Variants in TOP1 observed in about 807,000 individuals in gnomAD.
The protein encoded by TOP1 is DNA topoisomerase 1.
Under a neutral mutation model 111.1 loss-of-function variants are expected in TOP1, and 10 were observed. That is an observed-to-expected ratio of 0.09 (90% CI 0.06 to 0.15). The LOEUF is 0.15. TOP1 is among the 10% of genes least tolerant of loss of function. The pLI is 1.00. For missense variants in TOP1, 474 were observed against 926.7 expected (o/e 0.51, Z 6.34); for synonymous variants, 271 against 302.9 (o/e 0.89, Z 1.10).
At chr20:41,089,984 T>C (rs887876179) in intron 8 of TOP1, among the ~76,000 whole-genome samples, 2 of 152,186 alleles carry the variant, frequency 1.3e-5, no homozygotes, top group African/African-American at 2.4e-5. Context: ...GTGTTTTTTT[T>C]TGTTTTTGAG....
chr20:41,029,527 C>T lies in TOP1; in HGVS notation c.58+72C>T, dbSNP rs1248262834. 8.0e-7 allele frequency: 1 copy of T among 1,250,468 alleles called. No individual in the cohort carries two copies. Among genetic ancestry groups the T allele is most frequent in the Non-Finnish European group, 1.1e-6 (1 of 877,590 alleles). 77.5% of individuals were successfully genotyped at this position (1,250,468 alleles called of 1,614,324 possible). A position where few individuals can be genotyped will look rare whatever the true frequency, so the allele number is the denominator to read the frequency against. ...CGCCTCCCCCGCGCCCTGCCGGTGC[C>T]GGGCAGAGGACAGACATGGCGTCCC... On this transcript the variant is annotated intron_variant, in intron 2 of 20. Coordinates refer to ENST00000361337, the MANE Select transcript of TOP1 (RefSeq NM_003286.4). This position sits in a 1 kb window ranked among gnomAD's most constrained non-coding sequence, Gnocchi z 6.1.
chr20:41,107,664 T>G (rs1295677590), intron 13 of TOP1, among the ~76,000 whole-genome samples: 1 of 152,252 alleles, frequency 6.6e-6, no homozygotes, highest in East Asian at 1.9e-4. Flanking sequence ...GTAAGATTGT[T>G]CTATAAAATG....
In TOP1 at chr20:41,061,307, A is replaced by C; in HGVS notation, c.59-87A>C. ...CCTACCATGCCATTTGAATCCTGTC[A>C]TTGTACTTCTTGACCAGCTTGTCAA... On this transcript the variant is annotated intron_variant, in intron 2 of 20. Coordinates refer to ENST00000361337, the MANE Select transcript of TOP1 (RefSeq NM_003286.4). The surrounding 1 kb of genome is among the most constrained non-coding windows in gnomAD (Gnocchi z 4.6). 7.7e-7 allele frequency: 1 copy of C among 1,296,840 alleles called. No individual in the cohort carries two copies. The highest frequency in any genetic ancestry group is 1.3e-5 in the South Asian group (1 of 75,054). 80.3% of individuals were successfully genotyped at this position (1,296,840 alleles called of 1,614,324 possible). A position where few individuals can be genotyped will look rare whatever the true frequency, so the allele number is the denominator to read the frequency against.
Position 41,121,856 on chromosome 20 carries a change from C to G in TOP1, c.2045+66C>G, listed in dbSNP as rs2145973763. Reference sequence around the variant, plus strand: ...AAGTGTGCAGCATCTGTCAGGGCCCCTGGGGCCCTGGCTTTTCGATGGTTT... The same window carrying G: ...AAGTGTGCAGCATCTGTCAGGGCCCGTGGGGCCCTGGCTTTTCGATGGTTT... On this transcript the variant is annotated intron_variant, in intron 19 of 20. Coordinates refer to ENST00000361337, the MANE Select transcript of TOP1 (RefSeq NM_003286.4). This position sits in a 1 kb window ranked among gnomAD's most constrained non-coding sequence, Gnocchi z 4.2. 1 of 1,565,786 alleles carries G rather than the reference C, an allele frequency of 6.4e-7. No individual in the cohort carries two copies.
intron 7 of TOP1, 91 bp downstream of exon 7, chr20:41,081,331 A>C (rs2033786196): frequency 7.0e-7 from 1 of 1,431,584 alleles, no homozygotes; most frequent in Non-Finnish European, 9.3e-7. Context: ...AGTTTTAGAT[A>C]TTTATTGGCT....
At position 41,116,231 on chromosome 20, in the gene TOP1, G is replaced by C. The variant is rs2034327988; in HGVS notation, c.1708-47G>C. The C allele has an allele frequency of 9.4e-6, 12 of 1,272,528 alleles. No individual in the cohort carries two copies. The highest frequency in any genetic ancestry group is 1.5e-5 in the African/African-American group (1 of 68,276). The allele number at this position is 1,272,528 out of a possible 1,614,324, so 78.8% of individuals were successfully genotyped here. A position where few individuals can be genotyped will look rare whatever the true frequency, so the allele number is the denominator to read the frequency against. On this transcript the variant is annotated intron_variant, in intron 16 of 20. Coordinates refer to ENST00000361337, the MANE Select transcript of TOP1 (RefSeq NM_003286.4). The surrounding 1 kb of genome is among the most constrained non-coding windows in gnomAD (Gnocchi z 5.6). The stretch of plus-strand genomic sequence containing the variant: ...ATTACTCCTAGGGCTGCCAGAAGGA[G>C]CAGGTAGTATAGCTTTGACCTAAAT...
chr20:41,108,335 A>G (rs915941929), intron 13 of TOP1, among the ~76,000 whole-genome samples: 10 of 152,364 alleles, frequency 6.6e-5, no homozygotes, highest in Middle Eastern at 3.4e-3. Flanking sequence ...GATGTGAACT[A>G]TGAATTTTCG....
chr20:41,122,237 A>C lies in TOP1; in HGVS notation c.2195+82A>C, dbSNP rs2034434953. On this transcript the variant is annotated intron_variant, in intron 20 of 20. Coordinates refer to ENST00000361337, the MANE Select transcript of TOP1 (RefSeq NM_003286.4). This position sits in a 1 kb window ranked among gnomAD's most constrained non-coding sequence, Gnocchi z 5.4. The stretch of plus-strand genomic sequence containing the variant: ...TTCCGAGAGCACTGGTGGCCTTCAC[A>C]TGCCATTCCTAAGCTACACACTTTA... 3 of 1,429,374 alleles carry C rather than the reference A, an allele frequency of 2.1e-6. No homozygotes were observed. Among genetic ancestry groups the C allele is most frequent in the Non-Finnish European group, 2.9e-6 (3 of 1,027,922 alleles). The allele number at this position is 1,429,374 out of a possible 1,614,324, so 88.5% of individuals were successfully genotyped here. A position where few individuals can be genotyped will look rare whatever the true frequency, so the allele number is the denominator to read the frequency against.
At position 41,121,571 on chromosome 20, in the gene TOP1, T is replaced by G; in HGVS notation, c.1951-125T>G. The G allele has an allele frequency of 1.4e-6, 1 of 720,778 alleles. No individual in the cohort carries two copies. The highest frequency in any genetic ancestry group is 2.4e-6 in the Non-Finnish European group (1 of 411,548). 44.6% of individuals were successfully genotyped at this position (720,778 alleles called of 1,614,324 possible). The stretch of plus-strand genomic sequence containing the variant: ...CCCTGCCTTCATGAAGCCACCCTTG[T>G]TTTTTTTTATCTGACAAACCACTGA... On this transcript the variant is annotated intron_variant, in intron 18 of 20. Coordinates refer to ENST00000361337, the MANE Select transcript of TOP1 (RefSeq NM_003286.4). This position sits in a 1 kb window ranked among gnomAD's most constrained non-coding sequence, Gnocchi z 4.2.
At chr20:41,049,286 G>A (rs886480754) in intron 2 of TOP1, among the ~76,000 whole-genome samples, 2 of 152,200 alleles carry the variant, frequency 1.3e-5, no homozygotes, top group Non-Finnish European at 2.9e-5. Context: ...AAATTGTAGT[G>A]ACAGGTTTTA....
At position 41,116,426 on chromosome 20, in the gene TOP1, CCTA is replaced by C. The variant is rs530421451; in HGVS notation, c.1822+38_1822+40del. On this transcript the variant is annotated intron_variant, in intron 17 of 20. Coordinates refer to ENST00000361337, the MANE Select transcript of TOP1 (RefSeq NM_003286.4). The surrounding 1 kb of genome is among the most constrained non-coding windows in gnomAD (Gnocchi z 5.6). ...TGCTTGGCCAGATAGGGCCCACACC[CCTA>C]CTAATGGTATCCGGTGACCTTGCTT... The C allele has an allele frequency of 1.6e-3, 2,437 of 1,520,638 alleles. 4 individuals are homozygous for C. Among genetic ancestry groups the C allele is most frequent in the Non-Finnish European group, 1.9e-3 (2,130 of 1,095,164 alleles). The allele number at this position is 1,520,638 out of a possible 1,614,324, so 94.2% of individuals were successfully genotyped here.
intron 3 of TOP1, among the ~76,000 whole-genome samples, chr20:41,063,347 G>A (rs552072014): frequency 6.6e-6 from 1 of 152,280 alleles, no homozygotes; most frequent in East Asian, 1.9e-4. Flanking sequence ...TCATTGCTGG[G>A]TACCTAGGTT....
At position 41,097,551 on chromosome 20, in the gene TOP1, C is replaced by G. The variant is rs908920077; in HGVS notation, c.852+210C>G. On this transcript the variant is annotated intron_variant, in intron 10 of 20. Transcript: ENST00000361337. This position sits in a 1 kb window ranked among gnomAD's most constrained non-coding sequence, Gnocchi z 4.2. ...TACTTGTATATCTTTGCTATTGGCT[C>G]TCATGTGATGGCAGGTAGGTGGGGG... Among the ~76,000 whole-genome samples the G allele has an allele frequency of 2.0e-5, 3 of 152,136 alleles. No homozygotes were observed. Among genetic ancestry groups the G allele is most frequent in the Admixed American group, 2.0e-4 (3 of 15,276 alleles).
Position 41,101,398 on chromosome 20 carries a change from C to G in TOP1, c.1308+45C>G. On this transcript the variant is annotated intron_variant, in intron 13 of 20. Transcript: ENST00000361337. This position sits in a 1 kb window ranked among gnomAD's most constrained non-coding sequence, Gnocchi z 4.1. ...CTGCACTGGTTCATGGTGCTGATAA[C>G]CTTTTTTTGTTGAAATGTAACGTTC... 2.5e-6 allele frequency: 4 copies of G among 1,574,846 alleles called. No homozygotes were observed. The highest frequency in any genetic ancestry group is 3.5e-6 in the Non-Finnish European group (4 of 1,154,136).
Position 41,118,778 on chromosome 20 carries a change from T to C in TOP1, c.1950+482T>C, listed in dbSNP as rs2034374003. 2.0e-5 allele frequency among the ~76,000 whole-genome samples: 3 copies of C among 152,260 alleles called. No individual in the cohort carries two copies. The highest frequency in any genetic ancestry group is 7.2e-5 in the African/African-American group (3 of 41,470). ...ATTCCACATGAATCATATTTTTATA[T>C]AGTTCATCATCAAACATCTGTTGAA... On this transcript the variant is annotated intron_variant, in intron 18 of 20. Coordinates refer to ENST00000361337, the MANE Select transcript of TOP1 (RefSeq NM_003286.4). This position sits in a 1 kb window ranked among gnomAD's most constrained non-coding sequence, Gnocchi z 4.6.
Position 41,067,162 on chromosome 20 carries a change from C to G in TOP1, c.155+5672C>G, listed in dbSNP as rs756536463. On this transcript the variant is annotated intron_variant, in intron 3 of 20. Coordinates refer to ENST00000361337, the MANE Select transcript of TOP1 (RefSeq NM_003286.4). This position sits in a 1 kb window ranked among gnomAD's most constrained non-coding sequence, Gnocchi z 4.0. The stretch of plus-strand genomic sequence containing the variant: ...TGAGATGGAGTCTCACTTTGTCACC[C>G]AGGCTGGAGTGCAGTGGTGTGATCT... Among the ~76,000 whole-genome samples the G allele has an allele frequency of 1.3e-5, 2 of 152,122 alleles. No individual in the cohort carries two copies. Among genetic ancestry groups the G allele is most frequent in the Non-Finnish European group, 2.9e-5 (2 of 68,030 alleles).
chr20:41,060,178 A>T, intron 2 of TOP1, among the ~76,000 whole-genome samples: 1 of 152,374 alleles, frequency 6.6e-6, no homozygotes, highest in East Asian at 1.9e-4. Context: ...CCCAAGAGAA[A>T]TGAAAACATG....
At chr20:41,033,999 A>G (rs972651492) in intron 2 of TOP1, among the ~76,000 whole-genome samples, 1 of 152,150 alleles carries the variant, frequency 6.6e-6, no homozygotes, top group East Asian at 1.9e-4. Context: ...AAAAAACCCT[A>G]TTGAAAGAAT....
Position 41,098,431 on chromosome 20 carries a change from C to A in TOP1, c.975+94C>A. On this transcript the variant is annotated intron_variant, in intron 11 of 20. Transcript: ENST00000361337. This position sits in a 1 kb window ranked among gnomAD's most constrained non-coding sequence, Gnocchi z 5.7. Reference sequence around the variant, plus strand: ...GGTTCTTATGACACAACATTAACATCAGTAATTTCACATCATTCTATGCTA... The same window carrying A: ...GGTTCTTATGACACAACATTAACATAAGTAATTTCACATCATTCTATGCTA... The A allele has an allele frequency of 1.5e-6, 2 of 1,332,644 alleles. No homozygotes were observed. Among genetic ancestry groups the A allele is most frequent in the South Asian group, 2.7e-5 (2 of 73,824 alleles). The allele number at this position is 1,332,644 out of a possible 1,614,324, so 82.6% of individuals were successfully genotyped here. A position where few individuals can be genotyped will look rare whatever the true frequency, so the allele number is the denominator to read the frequency against.
Sources: allele counts gnomAD v4.1 joint callset (sites outside exome capture counted in the v4.1 genomes callset), GRCh38; gene constraint gnomAD v4.1.1; non-coding constraint Gnocchi (gnomAD v3.1); transcripts MANE v1.5; gene names NCBI Gene and HGNC (gene_info 2026-07-23, HGNC 2026-07-21).